Variants in SERINC5 observed in about 807,000 individuals in gnomAD.
SERINC5 encodes the protein serine incorporator 5.
In SERINC5, 41 loss-of-function variants were observed where a neutral mutation model predicts 63.1. The ratio of observed to expected loss-of-function variants is 0.65; its 90% confidence interval spans 0.51 to 0.84. SERINC5 has a LOEUF of 0.84. SERINC5 is among the 40% of genes least tolerant of loss of function. SERINC5 has a pLI of 0.00. For synonymous variants in SERINC5, 222 were observed against 215.2 expected (o/e 1.03, Z -0.28); for missense variants, 523 against 573.0 (o/e 0.91, Z 0.89).
intron 1 of SERINC5, among the ~76,000 whole-genome samples, chr5:80,218,229 C>T (rs1196086986): frequency 6.6e-6 from 1 of 152,192 alleles, no homozygotes; most frequent in Non-Finnish European, 1.5e-5. Flanking sequence ...GTCGCATTAA[C>T]CCTGGGGTGG....
intron 11 of SERINC5, among the ~76,000 whole-genome samples, chr5:80,120,135 T>C (rs1224416208): frequency 2.0e-5 from 3 of 152,188 alleles, no homozygotes; most frequent in Non-Finnish European, 2.9e-5. Flanking sequence ...TGCCTGCTCA[T>C]AGTAGATTGA....
At position 80,177,331 on chromosome 5, in the gene SERINC5, C is replaced by T; in HGVS notation, c.441G>A (p.Gln147=). The stretch of plus-strand genomic sequence containing the variant: ...CATTAGTACCGTTCAGAAAGGTGTC[C>T]TGATCTGGAATGAAGAAAGCTCCTG... The part of the protein sequence containing the change: ...MCSGAFFIPD[Q]DTFLNAWRYV... The change falls in exon 4 of 12, where the codon CAG becomes CAA. Residue 147 remains glutamine (Q), a synonymous_variant. Coordinates refer to ENST00000507668, the MANE Select transcript of SERINC5 (RefSeq NM_001174072.3). 2 of 1,613,176 alleles carry T rather than the reference C, an allele frequency of 1.2e-6. No individual in the cohort carries two copies. Among genetic ancestry groups the T allele is most frequent in the Non-Finnish European group, 1.7e-6 (2 of 1,179,220 alleles).
chr5:80,210,735 C>A (rs958944143), intron 1 of SERINC5, among the ~76,000 whole-genome samples: 2 of 152,198 alleles, frequency 1.3e-5, no homozygotes, highest in African/African-American at 4.8e-5. Flanking sequence ...GCCACAGCAA[C>A]CAAGAGGACA....
At chr5:80,121,590 A>G (rs1390525089) in intron 11 of SERINC5, among the ~76,000 whole-genome samples, 1 of 152,062 alleles carries the variant, frequency 6.6e-6, no homozygotes, top group African/African-American at 2.4e-5. Flanking sequence ...TCTATTTTAC[A>G]ACTAACCTAT....
chr5:80,234,404 C>T (rs556213023), intron 1 of SERINC5, among the ~76,000 whole-genome samples: 4 of 152,112 alleles, frequency 2.6e-5, no homozygotes, highest in African/African-American at 9.7e-5. Flanking sequence ...AAATAAATTA[C>T]ACCACATATT....
chr5:80,218,792 C>G (rs747982282), intron 1 of SERINC5, among the ~76,000 whole-genome samples: 1 of 152,092 alleles, frequency 6.6e-6, no homozygotes, highest in African/African-American at 2.4e-5. Flanking sequence ...GACTAAATCA[C>G]CCCACGTGCA....
At chr5:80,237,827 G>A (rs1322735964) in intron 1 of SERINC5, among the ~76,000 whole-genome samples, 1 of 152,044 alleles carries the variant, frequency 6.6e-6, no homozygotes, top group Admixed American at 6.5e-5. Context: ...CAATCGGCCA[G>A]GCACGGTGGC....
chr5:80,236,975 G>A (rs568174383), intron 1 of SERINC5, among the ~76,000 whole-genome samples: 6 of 151,804 alleles, frequency 4.0e-5, no homozygotes, highest in East Asian at 3.9e-4. Context: ...TCAACCTCCC[G>A]CCATCATGCC....
Position 80,140,626 on chromosome 5 carries a change from C to T in SERINC5, c.*3037G>A, listed in dbSNP as rs1328700869. 2.0e-6 allele frequency: 2 copies of T among 985,248 alleles called. No homozygotes were observed. The highest frequency in any genetic ancestry group is 2.4e-6 in the Non-Finnish European group (2 of 829,888). 61.0% of individuals were successfully genotyped at this position (985,248 alleles called of 1,614,324 possible). A position where few individuals can be genotyped will look rare whatever the true frequency, so the allele number is the denominator to read the frequency against. ...CAATCAGTATTTAAAAAGCTAGACA[C>T]AGTAAAGACGTGGTTGGGTTTCTGA... On this transcript the variant is annotated 3_prime_UTR_variant, in exon 12 of 12. Transcript: ENST00000507668.
chr5:80,230,185 T>C (rs141160866), intron 1 of SERINC5, among the ~76,000 whole-genome samples: 2 of 151,938 alleles, frequency 1.3e-5, no homozygotes, highest in Non-Finnish European at 2.9e-5. Flanking sequence ...ACCAAAAACC[T>C]ATTGGCCAGG....
chr5:80,220,106 G>A (rs1353465213), intron 1 of SERINC5, among the ~76,000 whole-genome samples: 3 of 152,062 alleles, frequency 2.0e-5, no homozygotes, highest in Non-Finnish European at 4.4e-5. Flanking sequence ...CTACTCAGGA[G>A]AGCAAGGCAG....
intron 2 of SERINC5, among the ~76,000 whole-genome samples, chr5:80,195,748 T>C (rs1749460179): frequency 6.6e-6 from 1 of 152,240 alleles, no homozygotes; most frequent in South Asian, 2.1e-4. Context: ...TATTTTAACA[T>C]GTCACTGTAA....
At position 80,166,446 on chromosome 5, in the gene SERINC5, C is replaced by T. The variant is rs745502617; in HGVS notation, c.796G>A (p.Val266Ile). Residue 266 changes from valine (V) to isoleucine (I), a missense_variant, in exon 7 of 12, where the codon GTC (valine) becomes ATC (isoleucine). Transcript: ENST00000507668. ...QPHSGLLQSG[V>I]ISCYVTYLTF... Reference sequence around the variant, plus strand: ...AGGTAGGTGACATAGCAGCTTATGACCCCTGATTGTAAGAGCCCCGAGTGT... The same window carrying T: ...AGGTAGGTGACATAGCAGCTTATGATCCCTGATTGTAAGAGCCCCGAGTGT... 13 of 1,595,706 alleles carry T rather than the reference C, an allele frequency of 8.1e-6. No homozygotes were observed. The African/African-American group carries it at 9.4e-5, about 12-fold the overall frequency.
chr5:80,200,017 G>A (rs941545191), intron 2 of SERINC5, among the ~76,000 whole-genome samples: 2 of 152,228 alleles, frequency 1.3e-5, no homozygotes, highest in African/African-American at 2.4e-5. Flanking sequence ...AAACTAGCCA[G>A]CATGGTGGCT....
rs111805300 is a variant in SERINC5, at chr5:80,224,923, GTTTTTTT to G, written c.28-21877_28-21871del. ...ACAGGCGTGAGCCATCACGCCCAGC[GTTTTTTT>G]TTTTGTTTTTTTTTGTTTTTTTTTT... On this transcript the variant is annotated intron_variant, in intron 1 of 11. Transcript: ENST00000507668. Among the ~76,000 whole-genome samples the G allele has an allele frequency of 1.7e-4, 25 of 143,750 alleles. 1 individual carries two copies. Among genetic ancestry groups the G allele is most frequent in the Admixed American group, 1.0e-3 (15 of 14,296 alleles). 94.3% of individuals were successfully genotyped at this position (143,750 alleles called of 152,430 possible). A position where few individuals can be genotyped will look rare whatever the true frequency, so the allele number is the denominator to read the frequency against.
chr5:80,118,642 G>A (rs1744425008), intron 11 of SERINC5, among the ~76,000 whole-genome samples: 2 of 151,978 alleles, frequency 1.3e-5, no homozygotes, highest in South Asian at 4.2e-4. Context: ...CTGCCTCCCA[G>A]GCTCAAGTGA....
intron 8 of SERINC5, among the ~76,000 whole-genome samples, chr5:80,153,474 G>GT (rs112327662): frequency 1.4e-4 from 21 of 148,604 alleles, no homozygotes; most frequent in East Asian, 1.2e-3. Context: ...TCAAGAAAAG[G>GT]TTTTTTTTTT....
At chr5:80,242,014 C>T (rs1338016801) in intron 1 of SERINC5, among the ~76,000 whole-genome samples, 1 of 151,720 alleles carries the variant, frequency 6.6e-6, no homozygotes, top group Non-Finnish European at 1.5e-5. Flanking sequence ...ATCTGTAGTC[C>T]TAGCTCCTTG....
chr5:80,250,346 T>C (rs1050259031), intron 1 of SERINC5, among the ~76,000 whole-genome samples: 10 of 152,140 alleles, frequency 6.6e-5, no homozygotes, highest in African/African-American at 2.2e-4. Context: ...ACATCATCAT[T>C]ATTATTATTT....
Sources: gnomAD v4.1 joint callset for allele counts (sites outside exome capture counted in the v4.1 genomes callset) on GRCh38, gnomAD v4.1.1 for gene constraint, MANE v1.5 for transcripts, NCBI Gene and HGNC (gene_info 2026-07-23, HGNC 2026-07-21) for gene names.